PNPLA1: variants seen among roughly 807,000 people sequenced by gnomAD.
PNPLA1 encodes the protein patatin like domain 1, omega-hydroxyceramide transacylase.
In PNPLA1, 36 loss-of-function variants were observed where a neutral mutation model predicts 51.7. That is an observed-to-expected ratio of 0.70 (90% CI 0.53 to 0.92). The LOEUF is 0.92. Among genes scored for constraint, PNPLA1 ranks in the 40% least tolerant of loss-of-function variants. PNPLA1 has a pLI of 0.00. For missense variants in PNPLA1, 658 were observed against 682.5 expected (o/e 0.96, Z 0.40); for synonymous variants, 293 against 280.1 (o/e 1.05, Z -0.46).
rs1205689351 is a variant in PNPLA1, at chr6:36,312,741, C to T, written c.*855C>T. Among the ~76,000 whole-genome samples the T allele has an allele frequency of 1.3e-5, 2 of 152,240 alleles. No homozygotes were observed. ...AGATCTGTTTCCCTTCCAGGGTGAG[C>T]ATCTCAGCTTCCTGCGATCCTTTCA... On this transcript the variant is annotated 3_prime_UTR_variant, in exon 9 of 9. Coordinates refer to ENST00000636260, the MANE Select transcript of PNPLA1 (RefSeq NM_001374623.1).
At chr6:36,257,401 C>T (rs1769554417) in intron 1 of PNPLA1, among the ~76,000 whole-genome samples, 1 of 152,234 alleles carries the variant, frequency 6.6e-6, no homozygotes, top group South Asian at 2.1e-4. Flanking sequence ...TAAAGACCCA[C>T]ATTCCTTCTG....
At chr6:36,266,160 A>G (rs781455685), upstream of PNPLA1, among the ~76,000 whole-genome samples, 7 of 152,216 alleles carry the variant, frequency 4.6e-5, no homozygotes, top group Non-Finnish European at 7.3e-5. Context: ...TGGGTTCTTT[A>G]GCTCCAACGA....
chr6:36,247,070 G>A (rs902886118), intron 1 of PNPLA1, among the ~76,000 whole-genome samples: 8 of 152,100 alleles, frequency 5.3e-5, no homozygotes, highest in African/African-American at 1.7e-4. Flanking sequence ...GCCCGCCGAT[G>A]GTGCCCTGGC....
intron 1 of PNPLA1, among the ~76,000 whole-genome samples, chr6:36,248,893 A>C (rs2127309654): frequency 6.6e-6 from 1 of 152,192 alleles, no homozygotes; most frequent in South Asian, 2.1e-4. Flanking sequence ...CTTCTGAAAA[A>C]GGGGGGGTGT....
intron 7 of PNPLA1, among the ~76,000 whole-genome samples, chr6:36,307,364 T>G (rs1342629530): frequency 6.6e-6 from 1 of 152,170 alleles, no homozygotes; most frequent in East Asian, 1.9e-4. Flanking sequence ...CATTTACATA[T>G]AACTCTATAA....
upstream of PNPLA1, among the ~76,000 whole-genome samples, chr6:36,266,992 G>A (rs1769775115): frequency 6.6e-6 from 1 of 152,174 alleles, no homozygotes; most frequent in South Asian, 2.1e-4. Context: ...CATCCTGGGT[G>A]GCTTCACATA....
intron 1 of PNPLA1, among the ~76,000 whole-genome samples, chr6:36,281,108 T>C (rs541719792): frequency 1.3e-5 from 2 of 152,300 alleles, no homozygotes; most frequent in Non-Finnish European, 2.9e-5. Context: ...TTTCTGAAGC[T>C]GGAAAGGTTC....
At chr6:36,255,164 C>T (rs76413797) in intron 1 of PNPLA1, among the ~76,000 whole-genome samples, 12 of 151,468 alleles carry the variant, frequency 7.9e-5, no homozygotes, top group South Asian at 2.1e-4. Context: ...GTCAGGAGTT[C>T]GAGACCAGCC....
At chr6:36,307,252 T>C (rs1554139879) in intron 7 of PNPLA1, among the ~76,000 whole-genome samples, 1 of 152,212 alleles carries the variant, frequency 6.6e-6, no homozygotes, top group Non-Finnish European at 1.5e-5. Flanking sequence ...ACATTAAGTA[T>C]AATTTTAACC....
At chr6:36,295,997 T>C (rs896144944) in intron 5 of PNPLA1, among the ~76,000 whole-genome samples, 2 of 152,314 alleles carry the variant, frequency 1.3e-5, no homozygotes, top group South Asian at 2.1e-4. Context: ...GCTAACTCCA[T>C]GGCAAACATC....
chr6:36,303,722 C>T (rs1771146359), intron 6 of PNPLA1, among the ~76,000 whole-genome samples: 1 of 152,188 alleles, frequency 6.6e-6, no homozygotes, highest in Non-Finnish European at 1.5e-5. Flanking sequence ...ATCCCAGCTA[C>T]TTGGGAGGCT....
chr6:36,302,092 A>C lies in PNPLA1; in HGVS notation c.1007A>C (p.Glu336Ala), dbSNP rs1771074519. 8 of 1,614,184 alleles carry C rather than the reference A, an allele frequency of 5.0e-6. No homozygotes were observed. The highest frequency in any genetic ancestry group is 5.9e-6 in the Non-Finnish European group (7 of 1,180,030). The change falls in exon 6 of 9, where the codon GAA becomes GCA. Residue 336 changes from glutamate to alanine, a missense_variant. Coordinates refer to ENST00000636260, the MANE Select transcript of PNPLA1 (RefSeq NM_001374623.1). ...GTGTCCCAACCTGTGCAGACACTTG[A>C]ATTCACATGCGAGTCACCTGTTTCA... ...PPVSQPVQTL[E>A]FTCESPVSAP...
chr6:36,255,340 A>G (rs910760167), intron 1 of PNPLA1, among the ~76,000 whole-genome samples: 7 of 152,320 alleles, frequency 4.6e-5, no homozygotes, highest in African/African-American at 1.4e-4. Context: ...CCCCGTCTCT[A>G]CTAAAAATAC....
intron 1 of PNPLA1, among the ~76,000 whole-genome samples, chr6:36,274,320 G>A (rs1025227659): frequency 1.3e-5 from 2 of 152,174 alleles, no homozygotes; most frequent in Non-Finnish European, 2.9e-5. Flanking sequence ...GCTTAACAAT[G>A]CGATGTTAAG....
chr6:36,265,373 A>G (rs1204997431), upstream of PNPLA1, among the ~76,000 whole-genome samples: 7 of 152,212 alleles, frequency 4.6e-5, no homozygotes, highest in Non-Finnish European at 7.4e-5. Context: ...CCCCCACTGT[A>G]TTTTTCAGGA....
At chr6:36,307,542 G>A (rs777518888) in intron 7 of PNPLA1, 45 bp from the exon 8 acceptor site, 13 of 1,599,062 alleles carry the variant, frequency 8.1e-6, no homozygotes, top group South Asian at 4.5e-5. Context: ...TTGGAGGACC[G>A]AGGTCAGGCC....
At chr6:36,245,439 C>T (rs1002370142) in intron 1 of PNPLA1, among the ~76,000 whole-genome samples, 2 of 152,180 alleles carry the variant, frequency 1.3e-5, no homozygotes, top group African/African-American at 4.8e-5. Flanking sequence ...TTCATTTACT[C>T]TCAGGGCTAG....
At chr6:36,259,093 T>G (rs1160790074) in intron 1 of PNPLA1, among the ~76,000 whole-genome samples, 1 of 152,128 alleles carries the variant, frequency 6.6e-6, no homozygotes, top group South Asian at 2.1e-4. Context: ...ACAGCAATGG[T>G]TCAGACCAAA....
intron 2 of PNPLA1, 110 bp from the exon 3 acceptor site, chr6:36,292,951 A>G: frequency 3.3e-6 from 3 of 896,024 alleles, no homozygotes. Flanking sequence ...ACCTTCACCT[A>G]GAATTTAAGG....
Sources: gnomAD v4.1 joint callset for allele counts (sites outside exome capture counted in the v4.1 genomes callset) on GRCh38, gnomAD v4.1.1 for gene constraint, MANE v1.5 for transcripts, NCBI Gene and HGNC (gene_info 2026-07-23, HGNC 2026-07-21) for gene names.